TRPV4: variants seen among roughly 807,000 people sequenced by gnomAD.
The protein encoded by TRPV4 is OSM9-like transient receptor potential channel 4.
In TRPV4, 58 loss-of-function variants were observed where a neutral mutation model predicts 84.1. The observed-to-expected ratio is 0.69, with a 90% confidence interval of 0.56 to 0.86. TRPV4 has a LOEUF of 0.86. TRPV4 is among the 40% of genes least tolerant of loss of function. The pLI is 0.00. For synonymous variants in TRPV4, 489 were observed against 500.9 expected (o/e 0.98, Z 0.32); for missense variants, 879 against 1,181.1 (o/e 0.74, Z 3.75).
In TRPV4 at chr12:109,802,992, T is replaced by C. The variant is rs927188562; in HGVS notation, c.711A>G (p.Arg237=). 17 of 1,613,654 alleles carry C rather than the reference T, an allele frequency of 1.1e-5. No individual in the cohort carries two copies. The highest frequency in any genetic ancestry group is 1.2e-5 in the Non-Finnish European group (14 of 1,179,986). The change falls in exon 4 of 16, where the codon CGA becomes CGG. Residue 237 remains arginine (R), a splice_region_variant and synonymous_variant. Transcript: ENST00000261740. ...INSPFRDIYY[R]GQTALHIAIE... ...CCCCTGCCCAGCCCGGGGCCCCACC[T>C]CGATAGTAGATGTCACGGAAGGGCG...
At position 109,787,289 on chromosome 12, in the gene TRPV4, T is replaced by C. The variant is rs147672176; in HGVS notation, c.2209-452A>G. Among the ~76,000 whole-genome samples the C allele has an allele frequency of 5.0e-3, 755 of 152,050 alleles. 5 individuals are homozygous for C. Among genetic ancestry groups the C allele is most frequent in the African/African-American group, 0.017 (707 of 41,532 alleles). On this transcript the variant is annotated intron_variant, in intron 13 of 15. Coordinates refer to ENST00000261740, the MANE Select transcript of TRPV4 (RefSeq NM_021625.5). The stretch of plus-strand genomic sequence containing the variant: ...TTAATTTTTAAATTTTGCAGTTTTT[T>C]GTTGTTGTTGTTGTTTTTAATATAA...
intron 3 of TRPV4, 54 bp from the exon 4 acceptor site, chr12:109,803,197 T>C: frequency 6.2e-7 from 1 of 1,605,954 alleles, no homozygotes; most frequent in Non-Finnish European, 8.5e-7. Flanking sequence ...GACCTTGAAC[T>C]TCCAGGCATC....
chr12:109,811,135 A>C (rs1891487755), intron 2 of TRPV4, among the ~76,000 whole-genome samples: 2 of 152,066 alleles, frequency 1.3e-5, no homozygotes, highest in African/African-American at 4.8e-5. Flanking sequence ...TTGGGCTTAA[A>C]TGTCAACTCC....
intron 3 of TRPV4, among the ~76,000 whole-genome samples, chr12:109,807,407 T>C (rs1223690312): frequency 2.0e-5 from 3 of 150,832 alleles, no homozygotes; most frequent in African/African-American, 7.3e-5. Flanking sequence ...TTTTTTTTTT[T>C]TTCCTGTCTG....
intron 12 of TRPV4, among the ~76,000 whole-genome samples, chr12:109,791,089 C>T (rs78253082): frequency 0.15 from 22,501 of 152,186 alleles, 1,831 homozygotes; most frequent in South Asian, 0.22. Context: ...GACTCATAAG[C>T]AATAGTAAGT....
Position 109,798,887 on chromosome 12 carries a change from G to C in TRPV4, c.879C>G (p.Ala293=). The C allele has an allele frequency of 6.2e-7, 1 of 1,612,070 alleles. No homozygotes were observed. Among genetic ancestry groups the C allele is most frequent in the Non-Finnish European group, 8.5e-7 (1 of 1,178,568 alleles). Residue 293 remains alanine, a synonymous_variant, in exon 6 of 16, where the codon GCC becomes GCG. Transcript: ENST00000261740. This position sits in a 1 kb window ranked among gnomAD's most constrained non-coding sequence, Gnocchi z 5.0. ...TGACAATGTGGGGCTGGTTGGTGCA[G>C]GCAGCCAGCGACAGGGGCAGCTCCC... ...YFGELPLSLA[A]CTNQPHIVNY...
intron 1 of TRPV4, among the ~76,000 whole-genome samples, chr12:109,821,970 T>G (rs1279782585): frequency 1.3e-5 from 2 of 151,968 alleles, no homozygotes; most frequent in Non-Finnish European, 2.9e-5. Context: ...GAATATTTGG[T>G]TTTTTTAGGC....
chr12:109,825,708 G>A (rs1592874349), intron 1 of TRPV4, among the ~76,000 whole-genome samples: 1 of 152,306 alleles, frequency 6.6e-6, no homozygotes, highest in Middle Eastern at 3.4e-3. Flanking sequence ...GAAGGGACAG[G>A]ACACTCGTCC....
chr12:109,833,085 TC>T (rs1345162612), intron 1 of TRPV4, among the ~76,000 whole-genome samples: 5 of 151,716 alleles, frequency 3.3e-5, no homozygotes, highest in Non-Finnish European at 5.9e-5. Flanking sequence ...CGAACCGCCC[TC>T]CCCCCAGACC....
At chr12:109,811,554 AG>A (rs1003793954) in intron 2 of TRPV4, among the ~76,000 whole-genome samples, 6 of 152,044 alleles carry the variant, frequency 3.9e-5, no homozygotes, top group African/African-American at 1.4e-4. Context: ...GCTACCCAGG[AG>A]GCTGAGGCTG....
Position 109,798,574 on chromosome 12 carries a change from C to G in TRPV4, c.1152+40G>C. 6.2e-7 allele frequency: 1 copy of G among 1,604,392 alleles called. No individual in the cohort carries two copies. Among genetic ancestry groups the G allele is most frequent in the Non-Finnish European group, 8.5e-7 (1 of 1,179,550 alleles). On this transcript the variant is annotated intron_variant, in intron 6 of 15. Coordinates refer to ENST00000261740, the MANE Select transcript of TRPV4 (RefSeq NM_021625.5). This position sits in a 1 kb window ranked among gnomAD's most constrained non-coding sequence, Gnocchi z 5.0. Reference sequence around the variant, plus strand: ...CCTCGTGTGTGTGTGCAGAGGGGTACGAGTAGGTGGATCAGCTGTGCCCCC... The same window carrying G: ...CCTCGTGTGTGTGTGCAGAGGGGTAGGAGTAGGTGGATCAGCTGTGCCCCC...
chr12:109,793,718 C>A lies in TRPV4; in HGVS notation c.1585-118G>T, dbSNP rs145701598. ...GGCAGAGGCTGGTACAGAGAAAAGA[C>A]AAAGGACTCTTTCCTGTTAGAAAAG... On this transcript the variant is annotated intron_variant, in intron 9 of 15. Transcript: ENST00000261740. This position sits in a 1 kb window ranked among gnomAD's most constrained non-coding sequence, Gnocchi z 4.0. 6 of 941,502 alleles carry A rather than the reference C, an allele frequency of 6.4e-6. No individual in the cohort carries two copies. Among genetic ancestry groups the A allele is most frequent in the Admixed American group, 2.0e-5 (1 of 50,672 alleles). The allele number at this position is 941,502 out of a possible 1,614,324, so 58.3% of individuals were successfully genotyped here. A position where few individuals can be genotyped will look rare whatever the true frequency, so the allele number is the denominator to read the frequency against.
intron 2 of TRPV4, among the ~76,000 whole-genome samples, chr12:109,811,832 A>C (rs1891541979): frequency 6.6e-6 from 1 of 151,992 alleles, no homozygotes; most frequent in Admixed American, 6.6e-5. Flanking sequence ...GGTCATCTCC[A>C]GACCTCAGCA....
intron 1 of TRPV4, among the ~76,000 whole-genome samples, chr12:109,825,805 A>T (rs540774269): frequency 1.9e-4 from 29 of 152,276 alleles, no homozygotes; most frequent in Non-Finnish European, 2.9e-4. Flanking sequence ...GGTGCCCGTT[A>T]TGAGTGGATG....
intron 1 of TRPV4, among the ~76,000 whole-genome samples, chr12:109,829,653 C>T (rs1892358975): frequency 6.6e-6 from 1 of 152,178 alleles, no homozygotes; most frequent in Non-Finnish European, 1.5e-5. Context: ...TGCTTCAGAG[C>T]CCCATCCACG....
At chr12:109,810,013 A>G (rs1304938518) in intron 2 of TRPV4, among the ~76,000 whole-genome samples, 1 of 152,204 alleles carries the variant, frequency 6.6e-6, no homozygotes, top group Non-Finnish European at 1.5e-5. Context: ...ATGTGGGGCT[A>G]CAGAGGCAGA....
chr12:109,833,184 C>G (rs1207221596), intron 1 of TRPV4, among the ~76,000 whole-genome samples, 166 bp downstream of exon 1: 1 of 152,226 alleles, frequency 6.6e-6, no homozygotes, highest in Non-Finnish European at 1.5e-5. Flanking sequence ...GGGCACTTAG[C>G]TGAGAGGCTG....
intron 1 of TRPV4, among the ~76,000 whole-genome samples, chr12:109,820,740 G>A (rs573097679): frequency 1.3e-5 from 2 of 151,934 alleles, no homozygotes; most frequent in South Asian, 4.2e-4. Context: ...AGCCAGGATG[G>A]TCTCGATCTC....
intron 5 of TRPV4, among the ~76,000 whole-genome samples, chr12:109,800,103 C>T (rs1890679350): frequency 6.6e-6 from 1 of 152,066 alleles, no homozygotes; most frequent in Non-Finnish European, 1.5e-5. Flanking sequence ...CCACCATGCC[C>T]GGCTAATTTT....
Sources: allele counts gnomAD v4.1 joint callset (sites outside exome capture counted in the v4.1 genomes callset), GRCh38; gene constraint gnomAD v4.1.1; non-coding constraint Gnocchi (gnomAD v3.1); transcripts MANE v1.5; gene names NCBI Gene and HGNC (gene_info 2026-07-23, HGNC 2026-07-21).